KLF12: variants seen among roughly 807,000 people sequenced by gnomAD.
KLF12 encodes Krueppel-like factor 12.
Under a neutral mutation model 37.8 loss-of-function variants are expected in KLF12, and 9 were observed. That is an observed-to-expected ratio of 0.24 (90% CI 0.14 to 0.42). The LOEUF (loss-of-function observed/expected upper bound fraction) is 0.42, where lower values mean the gene tolerates loss of function less well. Among genes scored for constraint, KLF12 ranks in the 10% least tolerant of loss-of-function variants. The pLI, the probability that KLF12 is intolerant of heterozygous loss-of-function variation, is 1.00. For synonymous variants in KLF12, 208 were observed against 202.1 expected, an observed-to-expected ratio of 1.03 and a Z score of -0.25; for missense variants, 411 against 516.0, an observed-to-expected ratio of 0.80 and a Z score of 1.97.
At chr13:74,152,821 C>T in the KLF12 span, among the ~76,000 whole-genome samples, 23 of 151,518 alleles carry the variant, frequency 1.5e-4, no homozygotes, top group African/African-American at 5.3e-4. Flanking sequence ...GGAGTCGAGG[C>T]TGCAGTAAGC....
chr13:74,025,273 T>C (rs1258266676), intron 1 of KLF12, among the ~76,000 whole-genome samples: 1 of 149,012 alleles, frequency 6.7e-6, no homozygotes, highest in Non-Finnish European at 1.5e-5. Flanking sequence ...GAAAGAAGCT[T>C]AAAGCAGTTT....
chr13:74,036,906 G>A (rs142230300), intron 1 of KLF12, among the ~76,000 whole-genome samples: 8 of 152,210 alleles, frequency 5.3e-5, no homozygotes, highest in East Asian at 3.9e-4. Context: ...TCACATAAGC[G>A]TAAAAGATTT....
the KLF12 span, among the ~76,000 whole-genome samples, chr13:74,222,046 A>T: frequency 7.2e-5 from 11 of 152,224 alleles, no homozygotes; most frequent in Non-Finnish European, 1.3e-4. Context: ...GTTGAGTGAG[A>T]GGAGCTAGAT....
At chr13:74,160,241 A>C in the KLF12 span, among the ~76,000 whole-genome samples, 1 of 152,276 alleles carries the variant, frequency 6.6e-6, no homozygotes, top group Non-Finnish European at 1.5e-5. Flanking sequence ...GTAATGGTAT[A>C]TGTGTTCCCA....
the KLF12 span, among the ~76,000 whole-genome samples, chr13:74,286,750 G>T: frequency 1.3e-5 from 2 of 152,196 alleles, no homozygotes. Context: ...GGCTGATTTT[G>T]TAAGCAGAGA....
the KLF12 span, among the ~76,000 whole-genome samples, chr13:74,256,163 A>T: frequency 6.6e-6 from 1 of 152,136 alleles, no homozygotes. Flanking sequence ...TCAAAAAAAA[A>T]AAAAAAAGAA....
intron 1 of KLF12, among the ~76,000 whole-genome samples, chr13:74,064,119 C>G (rs1220864681): frequency 6.6e-6 from 1 of 152,110 alleles, no homozygotes; most frequent in Non-Finnish European, 1.5e-5. Flanking sequence ...TCCCAGCACC[C>G]CTCAGTTCCT....
intron 6 of KLF12, among the ~76,000 whole-genome samples, chr13:73,735,968 TACCTGCTTCAAG>T (rs1877434063): frequency 6.6e-6 from 1 of 151,730 alleles, no homozygotes; most frequent in Non-Finnish European, 1.5e-5. Flanking sequence ...TTTTTTTTTT[TACCTGCTTCAAG>T]TTTTACCATG....
chr13:74,011,414 T>G (rs946391551), intron 1 of KLF12, among the ~76,000 whole-genome samples: 6 of 152,204 alleles, frequency 3.9e-5, no homozygotes, highest in African/African-American at 1.4e-4. Context: ...GTTCTACAAG[T>G]GTGCAATACA....
chr13:74,075,479 C>T (rs1188700573), intron 1 of KLF12, among the ~76,000 whole-genome samples: 3 of 152,062 alleles, frequency 2.0e-5, no homozygotes, highest in Non-Finnish European at 4.4e-5. Context: ...ATTAAATTAC[C>T]CATTAAATTA....
intron 1 of KLF12, among the ~76,000 whole-genome samples, chr13:74,092,788 T>C (rs1875752165): frequency 6.6e-6 from 1 of 152,122 alleles, no homozygotes; most frequent in South Asian, 2.1e-4. Context: ...GCAAATAACT[T>C]AGACATTTTT....
chr13:73,965,490 G>A (rs1891147951), intron 2 of KLF12, among the ~76,000 whole-genome samples: 1 of 152,090 alleles, frequency 6.6e-6, no homozygotes, highest in Non-Finnish European at 1.5e-5. Context: ...AGGATGTGTA[G>A]GCCAAGCAGA....
At chr13:73,794,159 G>A (rs1179367072) in intron 5 of KLF12, among the ~76,000 whole-genome samples, 2 of 152,166 alleles carry the variant, frequency 1.3e-5, no homozygotes, top group African/African-American at 4.8e-5. Context: ...TACTGGGATA[G>A]CCTTTTTAAA....
At chr13:73,874,290 T>C (rs1886602745) in intron 3 of KLF12, among the ~76,000 whole-genome samples, 1 of 152,250 alleles carries the variant, frequency 6.6e-6, no homozygotes, top group African/African-American at 2.4e-5. Context: ...TCATTTGCAT[T>C]ATCAGAAGAG....
chr13:74,082,749 A>G (rs1430624530), intron 1 of KLF12, among the ~76,000 whole-genome samples: 1 of 152,152 alleles, frequency 6.6e-6, no homozygotes, highest in Admixed American at 6.6e-5. Flanking sequence ...ATTTAACTGG[A>G]CCTTTAGCAA....
the KLF12 span, among the ~76,000 whole-genome samples, chr13:74,253,966 T>C: frequency 4.6e-5 from 7 of 152,260 alleles, no homozygotes; most frequent in South Asian, 2.1e-4. Flanking sequence ...GACCAGGGAG[T>C]CTTTTAAAAA....
rs569420355 is a variant in KLF12, at chr13:73,790,331, CTTA to C, written c.806+22818_806+22820del. ...TAAAATATTAAACCAAATAGTAAAA[CTTA>C]TTATTCTTATAATAATTTAAGATTT... On this transcript the variant is annotated intron_variant, in intron 5 of 7. Coordinates refer to ENST00000377669, the MANE Select transcript of KLF12 (RefSeq NM_007249.5). Among the ~76,000 whole-genome samples the C allele has an allele frequency of 1.3e-3, 195 of 152,108 alleles. 1 individual carries two copies. The highest frequency in any genetic ancestry group is 4.4e-3 in the African/African-American group (181 of 41,536).
At chr13:73,820,985 T>C (rs1185489902) in intron 4 of KLF12, among the ~76,000 whole-genome samples, 1 of 152,230 alleles carries the variant, frequency 6.6e-6, no homozygotes, top group Non-Finnish European at 1.5e-5. Flanking sequence ...GTCATTTACT[T>C]CATATCTGGC....
At chr13:73,900,034 T>A (rs1348896905) in intron 3 of KLF12, among the ~76,000 whole-genome samples, 1 of 152,148 alleles carries the variant, frequency 6.6e-6, no homozygotes, top group Non-Finnish European at 1.5e-5. Flanking sequence ...TTTCGTTAAA[T>A]AGACAAAAGT....
Sources: allele counts gnomAD v4.1 joint callset (sites outside exome capture counted in the v4.1 genomes callset), GRCh38; gene constraint gnomAD v4.1.1; transcripts MANE v1.5; gene names NCBI Gene and HGNC (gene_info 2026-07-23, HGNC 2026-07-21).